The following ALOX5AP variants were observed in gnomAD, a reference collection of about 807,000 sequenced individuals.
The protein encoded by ALOX5AP is arachidonate 5-lipoxygenase activating protein.
A neutral mutation model predicts 18.5 loss-of-function variants in ALOX5AP; 9 were observed. The observed-to-expected ratio is 0.49, with a 90% CI of 0.29 to 0.85. The LOEUF is 0.85. Among genes scored for constraint, ALOX5AP ranks in the 40% least tolerant of loss-of-function variants. The pLI is 0.08. For synonymous variants in ALOX5AP, 81 were observed against 78.6 expected, an observed-to-expected ratio of 1.03 and a Z score of -0.16; for missense variants, 172 against 202.5, an observed-to-expected ratio of 0.85 and a Z score of 0.91.
chr13:30,757,228 A>G (rs1320026265), intron 4 of ALOX5AP, among the ~76,000 whole-genome samples: 1 of 152,138 alleles, frequency 6.6e-6, no homozygotes, highest in Non-Finnish European at 1.5e-5. Flanking sequence ...AGTAGTGATA[A>G]AGGCAGTGAC....
chr13:30,736,920 C>G (rs1951726370), intron 1 of ALOX5AP, among the ~76,000 whole-genome samples: 1 of 152,234 alleles, frequency 6.6e-6, no homozygotes, highest in Admixed American at 6.5e-5. Context: ...ATTATTCAAC[C>G]CGCATACATG....
intron 1 of ALOX5AP, among the ~76,000 whole-genome samples, chr13:30,723,089 G>A (rs368189437): frequency 2.0e-5 from 3 of 152,158 alleles, no homozygotes; most frequent in Non-Finnish European, 4.4e-5. Flanking sequence ...TCCTTTAGTA[G>A]GTCAGTGTAA....
intron 3 of ALOX5AP, among the ~76,000 whole-genome samples, chr13:30,753,910 A>T (rs893387342): frequency 3.3e-5 from 5 of 152,244 alleles, no homozygotes; most frequent in African/African-American, 1.2e-4. Flanking sequence ...ACTTTGCCCA[A>T]GGCAAATCGT....
intron 1 of ALOX5AP, chr13:30,713,927 T>C: frequency 1.4e-6 from 2 of 1,431,916 alleles, no homozygotes; most frequent in Admixed American, 2.2e-5. Context: ...CAGGGCCATG[T>C]TCGGTGGTTT....
chr13:30,717,914 G>A (rs1185101403), intron 1 of ALOX5AP, among the ~76,000 whole-genome samples: 2 of 152,002 alleles, frequency 1.3e-5, no homozygotes, highest in African/African-American at 4.8e-5. Flanking sequence ...GCCTTGACGG[G>A]CAGGTGAAAG....
At chr13:30,732,023 C>G (rs1476112284), upstream of ALOX5AP, among the ~76,000 whole-genome samples, 1 of 152,218 alleles carries the variant, frequency 6.6e-6, no homozygotes, top group African/African-American at 2.4e-5. Context: ...GCAGCTGCAG[C>G]CAGAATCTTA....
At chr13:30,754,888 T>C (rs923466430) in intron 3 of ALOX5AP, among the ~76,000 whole-genome samples, 7 of 152,222 alleles carry the variant, frequency 4.6e-5, no homozygotes, top group African/African-American at 1.7e-4. Flanking sequence ...ACCAGAGAGC[T>C]GGGAGGATTG....
chr13:30,718,462 C>T (rs560325940), intron 1 of ALOX5AP, among the ~76,000 whole-genome samples: 15 of 151,252 alleles, frequency 9.9e-5, no homozygotes, highest in Non-Finnish European at 1.9e-4. Flanking sequence ...GTTCTTCTCT[C>T]CATGTCTCTG....
chr13:30,717,035 G>A (rs1174387039), intron 1 of ALOX5AP, among the ~76,000 whole-genome samples: 2 of 152,178 alleles, frequency 1.3e-5, no homozygotes, highest in Admixed American at 1.3e-4. Flanking sequence ...TCTGTCACAT[G>A]AGCACAGCTG....
chr13:30,715,880 ATG>A (rs149130221), intron 1 of ALOX5AP, among the ~76,000 whole-genome samples: 26,753 of 152,010 alleles, frequency 0.18, 3,426 homozygotes, highest in African/African-American at 0.35. Context: ...TGATGGAAAT[ATG>A]TATATATAGT....
In ALOX5AP at chr13:30,741,103, C is replaced by CTTTTTTTTTTTTTTT. The variant is rs59980433; in HGVS notation, c.71-2936_71-2922dup. On this transcript the variant is annotated intron_variant, in intron 1 of 4. Transcript: ENST00000380490. ...TTAACCTACACACATCCTCCATATC[C>CTTTTTTTTTTTTTTT]TTTTTTTTTTTTTTTTTTTTTTTTT... Among the ~76,000 whole-genome samples, 18 of 63,968 alleles carry CTTTTTTTTTTTTTTT rather than the reference C, an allele frequency of 2.8e-4. 3 individuals carry two copies. Among genetic ancestry groups the CTTTTTTTTTTTTTTT allele is most frequent in the South Asian group, 7.0e-4 (1 of 1,430 alleles). 42.0% of individuals were successfully genotyped at this position (63,968 alleles called of 152,430 possible). A position where few individuals can be genotyped will look rare whatever the true frequency, so the allele number is the denominator to read the frequency against.
At chr13:30,752,271 G>A in intron 3 of ALOX5AP, 149 bp downstream of exon 3, 1 of 728,094 alleles carries the variant, frequency 1.4e-6, no homozygotes, top group South Asian at 1.7e-5. Flanking sequence ...GGGAGGCCGT[G>A]TTTCAGGCAT....
chr13:30,742,760 G>T (rs1230199175), intron 1 of ALOX5AP, among the ~76,000 whole-genome samples: 2 of 152,030 alleles, frequency 1.3e-5, no homozygotes, highest in Admixed American at 6.6e-5. Flanking sequence ...GGAACCCTGT[G>T]GTTGGATCCC....
chr13:30,753,514 A>T (rs1951868752), intron 3 of ALOX5AP, among the ~76,000 whole-genome samples: 1 of 152,226 alleles, frequency 6.6e-6, no homozygotes, highest in Non-Finnish European at 1.5e-5. Context: ...AAGCTTTGTC[A>T]TTGCCAGCAG....
At chr13:30,758,971 C>A (rs17239263) in intron 4 of ALOX5AP, among the ~76,000 whole-genome samples, 11,903 of 152,078 alleles carry the variant, frequency 0.078, 725 homozygotes, top group African/African-American at 0.16. Context: ...GTGTGCACTA[C>A]CACACCCAGC....
rs550024829 is a variant in ALOX5AP, at chr13:30,735,958, T to A, written c.70+283T>A. On this transcript the variant is annotated intron_variant, in intron 1 of 4. Transcript: ENST00000380490. ...TTTTGCTAAAACCCTCACCGAAGTG[T>A]CTATGATCAGCATTTTAACTATTAA... Among the ~76,000 whole-genome samples, 47 of 152,296 alleles carry A rather than the reference T, an allele frequency of 3.1e-4. 1 individual carries two copies. The highest frequency in any genetic ancestry group is 3.4e-3 in the Middle Eastern group (1 of 294).
intron 4 of ALOX5AP, among the ~76,000 whole-genome samples, chr13:30,759,311 A>G (rs1449053364): frequency 6.6e-6 from 1 of 152,106 alleles, no homozygotes; most frequent in African/African-American, 2.4e-5. Context: ...CCTCTTGGCA[A>G]TATGAAGTTC....
At chr13:30,717,457 C>G (rs928018577) in intron 1 of ALOX5AP, among the ~76,000 whole-genome samples, 1 of 152,186 alleles carries the variant, frequency 6.6e-6, no homozygotes, top group Non-Finnish European at 1.5e-5. Context: ...CCTCCTTCTC[C>G]CAGTCAGAGG....
chr13:30,744,204 G>A, intron 2 of ALOX5AP, 45 bp downstream of exon 2: 1 of 1,558,262 alleles, frequency 6.4e-7, no homozygotes, highest in East Asian at 2.3e-5. Context: ...GGCATGGGCA[G>A]GGGGGCCTCC....
Sources: allele counts gnomAD v4.1 joint callset (sites outside exome capture counted in the v4.1 genomes callset), GRCh38; gene constraint gnomAD v4.1.1; transcripts MANE v1.5; gene names NCBI Gene and HGNC (gene_info 2026-07-23, HGNC 2026-07-21).